Variants in CERS6 observed in about 807,000 individuals in gnomAD.
CERS6 encodes LAG1 homolog, ceramide synthase 6.
CERS6 carries 26 observed loss-of-function variants against 56.8 expected under a neutral mutation model. The observed-to-expected ratio is 0.46, with a 90% confidence interval of 0.34 to 0.63. The LOEUF is 0.63. CERS6 is among the 30% of genes least tolerant of loss of function. CERS6 has a pLI of 0.01. For synonymous variants in CERS6, 164 were observed against 173.3 expected (o/e 0.95, Z 0.42); for missense variants, 415 against 467.5 (o/e 0.89, Z 1.04).
intron 1 of CERS6, among the ~76,000 whole-genome samples, chr2:168,505,646 T>A (rs747969917): frequency 8.5e-5 from 13 of 152,146 alleles, no homozygotes; most frequent in Non-Finnish European, 7.4e-5. Context: ...TGGCCCCCAG[T>A]ATCTATTAGG....
chr2:168,753,235 C>T (rs79458790), intron 8 of CERS6, among the ~76,000 whole-genome samples: 5,125 of 152,252 alleles, frequency 0.034, 286 homozygotes, highest in African/African-American at 0.11. Context: ...TCAATACTGT[C>T]AGTTCTCTGA....
chr2:168,664,156 C>T (rs1488618126), intron 4 of CERS6, among the ~76,000 whole-genome samples: 1 of 152,196 alleles, frequency 6.6e-6, no homozygotes, highest in Non-Finnish European at 1.5e-5. Flanking sequence ...AACTCGACAG[C>T]CCCTGCCTTA....
chr2:168,612,130 C>T (rs1684204004), intron 3 of CERS6, among the ~76,000 whole-genome samples: 1 of 152,174 alleles, frequency 6.6e-6, no homozygotes, highest in African/African-American at 2.4e-5. Context: ...CATTCTAACC[C>T]TTTGATGTAG....
At chr2:168,704,909 C>T (rs912125940) in intron 6 of CERS6, among the ~76,000 whole-genome samples, 3 of 152,232 alleles carry the variant, frequency 2.0e-5, no homozygotes, top group African/African-American at 7.2e-5. Flanking sequence ...CACCTTTGTT[C>T]TTGATCCCCA....
At chr2:168,700,010 C>T (rs1686764936) in intron 6 of CERS6, among the ~76,000 whole-genome samples, 1 of 152,216 alleles carries the variant, frequency 6.6e-6, no homozygotes, top group East Asian at 1.9e-4. Flanking sequence ...ATGAGTTCTG[C>T]TCATGTTCAG....
intron 4 of CERS6, among the ~76,000 whole-genome samples, chr2:168,654,331 C>A (rs552122550): frequency 6.6e-6 from 1 of 151,944 alleles, no homozygotes; most frequent in African/African-American, 2.4e-5. Flanking sequence ...GGTGGATCAC[C>A]TGAGGAGTTC....
Position 168,656,078 on chromosome 2 carries a change from T to G in CERS6, c.465+25036T>G, listed in dbSNP as rs1464923726. ...ATCTTTCTTTGTGGGCTTGTTGCTC[T>G]TTAGTCTTCTCAAAGCTTTCCTCCT... On this transcript the variant is annotated intron_variant, in intron 4 of 9. Transcript: ENST00000305747. Among the ~76,000 whole-genome samples the G allele has an allele frequency of 2.6e-5, 4 of 152,238 alleles. No individual in the cohort carries two copies. The South Asian group carries it at 6.2e-4, about 24-fold the overall frequency.
At chr2:168,657,926 C>T (rs1308846059) in intron 4 of CERS6, among the ~76,000 whole-genome samples, 1 of 152,224 alleles carries the variant, frequency 6.6e-6, no homozygotes, top group Non-Finnish European at 1.5e-5. Context: ...CAAATGCCAC[C>T]GAAGTGGGAG....
At chr2:168,738,532 A>G (rs1209156621) in intron 8 of CERS6, among the ~76,000 whole-genome samples, 1 of 152,208 alleles carries the variant, frequency 6.6e-6, no homozygotes, top group African/African-American at 2.4e-5. Flanking sequence ...ACTCTATCAT[A>G]CTGTTACCTC....
At chr2:168,625,746 A>G (rs577177406) in intron 3 of CERS6, among the ~76,000 whole-genome samples, 1 of 152,304 alleles carries the variant, frequency 6.6e-6, no homozygotes, top group South Asian at 2.1e-4. Flanking sequence ...CTCAGCAGGT[A>G]GAGAGAGGTG....
chr2:168,637,524 T>C (rs1218876714), intron 4 of CERS6, among the ~76,000 whole-genome samples: 1 of 152,070 alleles, frequency 6.6e-6, no homozygotes, highest in Non-Finnish European at 1.5e-5. Flanking sequence ...AATATGGATG[T>C]GTGAATGTGT....
chr2:168,634,244 GCTC>G (rs1684813841), intron 4 of CERS6, among the ~76,000 whole-genome samples: 1 of 152,196 alleles, frequency 6.6e-6, no homozygotes, highest in African/African-American at 2.4e-5. Flanking sequence ...AAGAGAGTCT[GCTC>G]ATACTTATAA....
At chr2:168,465,351 C>G (rs1255234578) in intron 1 of CERS6, among the ~76,000 whole-genome samples, 1 of 152,152 alleles carries the variant, frequency 6.6e-6, no homozygotes, top group Non-Finnish European at 1.5e-5. Flanking sequence ...TTACTGTATT[C>G]TCACATCACG....
chr2:168,686,485 G>A (rs1245784009), intron 4 of CERS6, among the ~76,000 whole-genome samples: 3 of 150,604 alleles, frequency 2.0e-5, no homozygotes, highest in African/African-American at 4.9e-5. Context: ...GGAAGCCTAA[G>A]GGATCTTGTC....
intron 3 of CERS6, among the ~76,000 whole-genome samples, chr2:168,630,705 G>A (rs757959314): frequency 6.6e-6 from 1 of 152,254 alleles, no homozygotes; most frequent in Non-Finnish European, 1.5e-5. Context: ...ACAAGAAGAA[G>A]TTCACATGTT....
chr2:168,666,710 C>T (rs979389328), intron 4 of CERS6, among the ~76,000 whole-genome samples: 2 of 152,154 alleles, frequency 1.3e-5, no homozygotes, highest in Non-Finnish European at 2.9e-5. Flanking sequence ...TTATAAAGGG[C>T]CTGCATTGAG....
At chr2:168,462,184 A>T (rs547417226) in intron 1 of CERS6, among the ~76,000 whole-genome samples, 2 of 152,166 alleles carry the variant, frequency 1.3e-5, no homozygotes, top group Admixed American at 1.3e-4. Flanking sequence ...GACTTTCAAA[A>T]TTTTATTATT....
At chr2:168,552,848 T>C (rs991700846) in intron 2 of CERS6, among the ~76,000 whole-genome samples, 1 of 152,058 alleles carries the variant, frequency 6.6e-6, no homozygotes, top group African/African-American at 2.4e-5. Flanking sequence ...ACTCACACAA[T>C]ATCAAAGACA....
rs1490473854 is a variant in CERS6, at chr2:168,631,412, ATAT to A, written c.465+374_465+376del. The stretch of plus-strand genomic sequence containing the variant: ...TATATTATATAATATATATTATATA[ATAT>A]TATGTAAATATATGTAAATATATAT... On this transcript the variant is annotated intron_variant, in intron 4 of 9. Coordinates refer to ENST00000305747, the MANE Select transcript of CERS6 (RefSeq NM_203463.3). 8.2e-5 allele frequency among the ~76,000 whole-genome samples: 11 copies of A among 134,260 alleles called. No homozygotes were observed. In the East Asian group the frequency reaches 2.2e-3, roughly 27 times the overall value. 88.1% of individuals were successfully genotyped at this position (134,260 alleles called of 152,430 possible).
Sources: gnomAD v4.1 joint callset for allele counts (sites outside exome capture counted in the v4.1 genomes callset) on GRCh38, gnomAD v4.1.1 for gene constraint, MANE v1.5 for transcripts, NCBI Gene and HGNC (gene_info 2026-07-23, HGNC 2026-07-21) for gene names.